SMG1: variants seen among roughly 807,000 people sequenced by gnomAD.
SMG1 encodes the protein serine/threonine-protein kinase SMG1.
A neutral mutation model predicts 419.9 loss-of-function variants in SMG1; 22 were observed. The observed-to-expected ratio is 0.05, with a 90% CI of 0.04 to 0.07. The LOEUF is 0.07. SMG1 is among the 10% of genes least tolerant of loss of function. SMG1 has a pLI of 1.00. For synonymous variants in SMG1, 1,538 were observed against 1,553.5 expected (o/e 0.99, Z 0.23); for missense variants, 3,185 against 4,342.0 (o/e 0.73, Z 7.49).
rs777731569 is a variant in SMG1 at position 18,850,114 on chromosome 16, C to G, written c.5296G>C (p.Glu1766Gln). The G allele has an allele frequency of 2.5e-6, 4 of 1,613,154 alleles. No homozygotes were observed. The highest frequency in any genetic ancestry group is 3.4e-6 in the Non-Finnish European group (4 of 1,179,600). Residue 1766 changes from glutamate (E) to glutamine (Q), a missense_variant, in exon 35 of 63, where the codon GAG becomes CAG. Coordinates refer to ENST00000446231, the MANE Select transcript of SMG1 (RefSeq NM_015092.5). ...KLNAGQIPLD[E>Q]DDPRLHLSHR... ...CTTAAATGCAGCCTAGGGTCATCCT[C>G]ATCTAAAGGAATCTAAGAGTGAAAG...
intron 37 of SMG1, 41 bp from the exon 38 acceptor site, chr16:18,847,648 A>G (rs2034343371): frequency 6.2e-7 from 1 of 1,612,666 alleles, no homozygotes; most frequent in Non-Finnish European, 8.5e-7. Context: ...CTACAAGCCT[A>G]TGCACAGCAC....
In SMG1 at chr16:18,815,559, G is replaced by A; in HGVS notation, c.10395C>T (p.Asn3465=). The part of the protein sequence containing the change: ...FLGEYKSWQD[N]IQTVLFTLVQ... ...CTAATGTAAATAGAACTGTTTGAAT[G>A]TTGTCTTGCCATGATTTATATTCAC... Residue 3465 remains asparagine (N), a synonymous_variant, in exon 59 of 63, where the codon AAC becomes AAT. Coordinates refer to ENST00000446231, the MANE Select transcript of SMG1 (RefSeq NM_015092.5). 1.2e-6 allele frequency: 2 copies of A among 1,613,962 alleles called. No individual in the cohort carries two copies. The highest frequency in any genetic ancestry group is 1.7e-5 in the Admixed American group (1 of 60,020).
intron 13 of SMG1, among the ~76,000 whole-genome samples, chr16:18,874,489 C>A: frequency 6.8e-6 from 1 of 146,196 alleles, no homozygotes. Flanking sequence ...CTGTGTGGTC[C>A]AATAGGAAGA....
rs112072744 is a variant in SMG1 at position 18,872,632 on chromosome 16, T to C, written c.1891-8A>G. 2.1e-6 allele frequency: 3 copies of C among 1,397,842 alleles called. No homozygotes were observed. The allele number at this position is 1,397,842 out of a possible 1,614,324, so 86.6% of individuals were successfully genotyped here. On this transcript the variant is annotated splice_region_variant and splice_polypyrimidine_tract_variant and intron_variant, in intron 13 of 62. Coordinates refer to ENST00000446231, the MANE Select transcript of SMG1 (RefSeq NM_015092.5). ...TGGAGATAGCGCCCACATCTGATCA[T>C]GTACAAAACAAAGTAAGTTTATGGC...
chr16:18,875,998 A>C, intron 13 of SMG1, 126 bp downstream of exon 13: 1 of 1,015,752 alleles, frequency 9.8e-7, no homozygotes, highest in South Asian at 1.5e-5. Context: ...GGCATGTCTT[A>C]AATATGGCTG....
chr16:18,871,835 A>T (rs2035839981), intron 15 of SMG1, among the ~76,000 whole-genome samples: 1 of 151,898 alleles, frequency 6.6e-6, no homozygotes, highest in South Asian at 2.1e-4. Flanking sequence ...GCTACTTGGG[A>T]GGCTGAGGCA....
chr16:18,829,169 G>T (rs1007022382), intron 54 of SMG1, 117 bp downstream of exon 54: 15 of 781,606 alleles, frequency 1.9e-5, no homozygotes, highest in Non-Finnish European at 3.0e-5. Flanking sequence ...TTTGCATTGG[G>T]TTGCTGTGAG....
intron 10 of SMG1, among the ~76,000 whole-genome samples, chr16:18,880,721 A>AAAGG (rs760136125): frequency 1.1e-3 from 73 of 63,936 alleles, no homozygotes; most frequent in African/African-American, 4.0e-3. Context: ...CAAAAAAAAA[A>AAAGG]GGGGGGGGGC....
intron 1 of SMG1, among the ~76,000 whole-genome samples, chr16:18,919,699 CAA>C (rs2038120318): frequency 7.4e-6 from 1 of 135,428 alleles, no homozygotes; most frequent in South Asian, 2.5e-4. Context: ...CACACACACA[CAA>C]TCTCCCTAGA....
intron 9 of SMG1, among the ~76,000 whole-genome samples, chr16:18,882,976 C>A (rs140168279): frequency 2.0e-5 from 3 of 152,140 alleles, no homozygotes; most frequent in African/African-American, 7.2e-5. Flanking sequence ...AGAGGTAAAT[C>A]AGCTTTAAAC....
At chr16:18,839,970 AAAAAG>A in intron 41 of SMG1, 24 bp from the exon 42 acceptor site, 15 of 1,509,492 alleles carry the variant, frequency 9.9e-6, no homozygotes, top group Middle Eastern at 1.7e-4. Context: ...AATTTTTTTA[AAAAAG>A]AAAAGATCAA....
At position 18,815,065 on chromosome 16, in the gene SMG1, T is replaced by A. The variant is rs539938285; in HGVS notation, c.10621+110A>T. 426 of 726,844 alleles carry A rather than the reference T, an allele frequency of 5.9e-4. 1 individual carries two copies. The highest frequency in any genetic ancestry group is 8.6e-4 in the Non-Finnish European group (376 of 435,976). 45.0% of individuals were successfully genotyped at this position (726,844 alleles called of 1,614,324 possible). ...CTAAAATCTGTTCAGTTTAAGATTA[T>A]AGAATGACAGGCCTTAAGTGTTTAA... On this transcript the variant is annotated intron_variant, in intron 60 of 62. Coordinates refer to ENST00000446231, the MANE Select transcript of SMG1 (RefSeq NM_015092.5).
chr16:18,892,596 G>C lies in SMG1; in HGVS notation c.413-242C>G, dbSNP rs2036932893. On this transcript the variant is annotated intron_variant, in intron 3 of 62. Transcript: ENST00000446231. ...AAAATTACATAAACTAGCCAGCCAA[G>C]GTGGTGTGCACCTGTAGTCCCAGCT... Among the ~76,000 whole-genome samples the C allele has an allele frequency of 2.0e-5, 3 of 152,064 alleles. No individual in the cohort carries two copies. In the South Asian group the frequency reaches 6.2e-4, roughly 31 times the overall value.
At chr16:18,904,274 A>G (rs576214284) in intron 1 of SMG1, among the ~76,000 whole-genome samples, 11 of 151,188 alleles carry the variant, frequency 7.3e-5, no homozygotes, top group Non-Finnish European at 1.0e-4. Context: ...CCATTTTACT[A>G]CTGCTTATCA....
intron 36 of SMG1, among the ~76,000 whole-genome samples, chr16:18,848,372 C>G (rs2141360930): frequency 6.7e-6 from 1 of 148,248 alleles, no homozygotes; most frequent in South Asian, 2.1e-4. Context: ...GGTTGGAGTA[C>G]AGTGGCACAA....
At chr16:18,853,108 A>G (rs946908152) in intron 31 of SMG1, among the ~76,000 whole-genome samples, 8 of 152,182 alleles carry the variant, frequency 5.3e-5, no homozygotes, top group African/African-American at 1.9e-4. Context: ...TTTTCTCTCA[A>G]ATTTTAAAAA....
rs774467460 is a variant in SMG1 at position 18,872,302 on chromosome 16, A to G, written c.2065T>C (p.Ser689Pro). Residue 689 changes from serine (S) to proline (P), a missense_variant, in exon 15 of 63, where the codon TCT (serine) becomes CCT (proline). Transcript: ENST00000446231. ...CTAATCACAGCTCCATCAAACAAAGAAGGAGAGGAAGAACTGAGGCTACTA... is the reference window on the plus strand; with the variant it reads ...CTAATCACAGCTCCATCAAACAAAGGAGGAGAGGAAGAACTGAGGCTACTA... Reference protein sequence around the residue: ...ISSSLSSSSPSLFDGAVISTV... With the variant: ...ISSSLSSSSPPLFDGAVISTV... 9.4e-6 allele frequency: 15 copies of G among 1,596,160 alleles called. No individual in the cohort carries two copies. Among genetic ancestry groups the G allele is most frequent in the Non-Finnish European group, 1.2e-5 (14 of 1,172,598 alleles).
intron 62 of SMG1, 121 bp from the exon 63 acceptor site, chr16:18,809,767 C>A: frequency 1.5e-6 from 1 of 658,352 alleles, no homozygotes; most frequent in Non-Finnish European, 2.7e-6. Context: ...ACTTACCCTG[C>A]TCCTGTAAGC....
chr16:18,848,159 C>A (rs2034374695), intron 36 of SMG1, 126 bp from the exon 37 acceptor site: 3 of 736,440 alleles, frequency 4.1e-6, no homozygotes, highest in Non-Finnish European at 6.7e-6. Flanking sequence ...GCCTTCCAGG[C>A]ATAGAACTGA....
Sources: allele counts gnomAD v4.1 joint callset (sites outside exome capture counted in the v4.1 genomes callset), GRCh38; gene constraint gnomAD v4.1.1; transcripts MANE v1.5; gene names NCBI Gene and HGNC (gene_info 2026-07-23, HGNC 2026-07-21).